The following MEF2C variants were observed in gnomAD, a reference collection of about 807,000 sequenced individuals.
MEF2C encodes the protein myocyte-specific enhancer factor 2C.
MEF2C carries 6 observed loss-of-function variants against 50.5 expected under a neutral mutation model. The ratio of observed to expected loss-of-function variants is 0.12; its 90% CI spans 0.07 to 0.23. The LOEUF (loss-of-function observed/expected upper bound fraction) is 0.23, where lower values mean the gene tolerates loss of function less well. Among genes scored for constraint, MEF2C ranks in the 10% least tolerant of loss-of-function variants. The pLI is 1.00. For missense variants in MEF2C, 276 were observed against 605.0 expected (o/e 0.46, Z 5.70); for synonymous variants, 183 against 228.0 (o/e 0.80, Z 1.78).
At chr5:88,793,538 T>A (rs574736983) in intron 3 of MEF2C, among the ~76,000 whole-genome samples, 1 of 152,298 alleles carries the variant, frequency 6.6e-6, no homozygotes, top group Non-Finnish European at 1.5e-5. Context: ...AATCAATGAC[T>A]GAAAGAAGGA....
chr5:88,845,649 T>C (rs762796174), intron 1 of MEF2C, among the ~76,000 whole-genome samples: 4 of 152,240 alleles, frequency 2.6e-5, no homozygotes, highest in Admixed American at 6.5e-5. Context: ...ATGAGTCTTC[T>C]ATGGTGAACA....
At chr5:88,733,280 C>T (rs1325123262) in intron 6 of MEF2C, 1 of 985,116 alleles carries the variant, frequency 1.0e-6, no homozygotes, top group Non-Finnish European at 1.2e-6. Flanking sequence ...GTAAGGGGCA[C>T]TGAGAGGAAC....
At chr5:88,738,075 G>A (rs1019217741) in intron 6 of MEF2C, 4 of 985,302 alleles carry the variant, frequency 4.1e-6, no homozygotes, top group Non-Finnish European at 4.8e-6. Flanking sequence ...AGGCATCCAG[G>A]AGTTGGGGAC....
chr5:88,885,643 T>C (rs1448316795), upstream of MEF2C, among the ~76,000 whole-genome samples: 1 of 152,222 alleles, frequency 6.6e-6, no homozygotes, highest in East Asian at 1.9e-4. Flanking sequence ...GCAAAGATAT[T>C]TCGAATACTA....
chr5:88,731,081 T>C (rs1293846808), intron 7 of MEF2C, among the ~76,000 whole-genome samples: 1 of 152,188 alleles, frequency 6.6e-6, no homozygotes, highest in Non-Finnish European at 1.5e-5. Flanking sequence ...TATTTATTTA[T>C]CTTCCTTAGA....
At chr5:88,885,712 T>A (rs536703832), upstream of MEF2C, among the ~76,000 whole-genome samples, 1 of 152,276 alleles carries the variant, frequency 6.6e-6, no homozygotes, top group Admixed American at 6.5e-5. Context: ...TTCACGAAGG[T>A]CCTGAAAAAG....
At chr5:88,853,349 A>G (rs558994223) in intron 1 of MEF2C, among the ~76,000 whole-genome samples, 1 of 152,334 alleles carries the variant, frequency 6.6e-6, no homozygotes, top group East Asian at 1.9e-4. Context: ...AGAGTTGATT[A>G]CCAAACAGCT....
exon 1 of MEF2C, chr5:88,903,922 C>T (rs1426485838): frequency 6.6e-6 from 1 of 151,734 alleles, no homozygotes; most frequent in Admixed American, 6.6e-5. Context: ...TCACCAGTGC[C>T]TTTCTGCTTC....
chr5:88,819,477 C>T lies in MEF2C; in HGVS notation c.54+4258G>A, dbSNP rs186215565. ...TACACCAGGCTTAAGTCCCACTGAT[C>T]TTCCTTCAGCTCCTCAGTCAAGCTC... On this transcript the variant is annotated intron_variant, in intron 2 of 10. Coordinates refer to ENST00000504921, the MANE Select transcript of MEF2C (RefSeq NM_002397.5). The T allele has an allele frequency of 1.0e-3, 658 of 649,372 alleles. 1 individual carries two copies. The highest frequency in any genetic ancestry group is 1.3e-3 in the Admixed American group (21 of 15,820). 40.2% of individuals were successfully genotyped at this position (649,372 alleles called of 1,614,324 possible).
intron 3 of MEF2C, chr5:88,772,911 T>C: frequency 3.0e-6 from 3 of 985,458 alleles, no homozygotes; most frequent in Non-Finnish European, 3.6e-6. Context: ...TTGAGGGTTT[T>C]GCCTGAGCTT....
chr5:88,742,267 A>G (rs1767180163), intron 6 of MEF2C: 2 of 985,406 alleles, frequency 2.0e-6, no homozygotes, highest in East Asian at 1.1e-4. Flanking sequence ...GTTATCTCCA[A>G]ATAAAATCTT....
At chr5:88,801,899 A>G (rs573296591) in intron 3 of MEF2C, among the ~76,000 whole-genome samples, 3 of 152,308 alleles carry the variant, frequency 2.0e-5, no homozygotes, top group African/African-American at 4.8e-5. Context: ...CCATGTGAAG[A>G]TGATGTAAAT....
intron 1 of MEF2C, among the ~76,000 whole-genome samples, chr5:88,850,184 T>C (rs1820821976): frequency 6.7e-6 from 1 of 150,330 alleles, no homozygotes; most frequent in Non-Finnish European, 1.5e-5. Flanking sequence ...GAACATGCAG[T>C]GTTTGGTTTT....
chr5:88,856,658 G>A (rs1251930125), intron 1 of MEF2C, among the ~76,000 whole-genome samples: 1 of 152,246 alleles, frequency 6.6e-6, no homozygotes, highest in African/African-American at 2.4e-5. Context: ...GGCTAAAACA[G>A]CCTGAGGGAA....
At chr5:88,828,183 A>T (rs2153227981) in intron 1 of MEF2C, among the ~76,000 whole-genome samples, 1 of 152,086 alleles carries the variant, frequency 6.6e-6, no homozygotes, top group Admixed American at 6.6e-5. Context: ...TTTGATTTAG[A>T]AGTTAAACAT....
intron 1 of MEF2C, among the ~76,000 whole-genome samples, chr5:88,897,711 A>G (rs1440481577): frequency 5.9e-5 from 9 of 152,230 alleles, no homozygotes; most frequent in Non-Finnish European, 1.0e-4. Context: ...GTGTTTAATT[A>G]TAGCAGACAA....
chr5:88,737,164 T>G (rs1764474733), intron 6 of MEF2C: 1 of 985,350 alleles, frequency 1.0e-6, no homozygotes, highest in Non-Finnish European at 1.2e-6. Context: ...ATGTAATGAG[T>G]AACTTGTTAA....
In MEF2C at chr5:88,795,123, C is replaced by A. The variant is rs181544147; in HGVS notation, c.258+9475G>T. Reference sequence around the variant, plus strand: ...TTTGCTTAGCATTGTCTTGGCTATACGGGCTCTTTTTTGGTTCCATATGAA... The same window carrying A: ...TTTGCTTAGCATTGTCTTGGCTATAAGGGCTCTTTTTTGGTTCCATATGAA... On this transcript the variant is annotated intron_variant, in intron 3 of 10. Transcript: ENST00000504921. 9.2e-5 allele frequency among the ~76,000 whole-genome samples: 14 copies of A among 152,136 alleles called. No individual in the cohort carries two copies. The East Asian group carries it at 2.7e-3, about 29-fold the overall frequency.
chr5:88,780,802 T>A, intron 3 of MEF2C: 1 of 985,454 alleles, frequency 1.0e-6, no homozygotes, highest in Non-Finnish European at 1.2e-6. Context: ...TCCTTGCTAA[T>A]TACTTCCATT....
Sources: allele counts gnomAD v4.1 joint callset (sites outside exome capture counted in the v4.1 genomes callset), GRCh38; gene constraint gnomAD v4.1.1; transcripts MANE v1.5; gene names NCBI Gene and HGNC (gene_info 2026-07-23, HGNC 2026-07-21).